ASXL3: variants seen among roughly 807,000 people sequenced by gnomAD.
ASXL3 encodes putative Polycomb group protein ASXL3.
A neutral mutation model predicts 170.6 loss-of-function variants in ASXL3; 34 were observed. That is an observed-to-expected ratio of 0.20 (90% CI 0.15 to 0.27). ASXL3 has a LOEUF of 0.27. Ranked by LOEUF, ASXL3 falls within the 10% of genes least tolerant of loss-of-function variation. The probability of loss-of-function intolerance (pLI) is 1.00; values close to 1 mark genes in which losing one functional copy is unlikely to be tolerated. For synonymous variants in ASXL3, 1,002 were observed against 989.1 expected (o/e 1.01, Z -0.24); for missense variants, 2,592 against 2,695.3 (o/e 0.96, Z 0.85).
intron 2 of ASXL3, among the ~76,000 whole-genome samples, chr18:33,625,326 A>G (rs560731672): frequency 6.6e-6 from 1 of 152,256 alleles, no homozygotes; most frequent in South Asian, 2.1e-4. Context: ...TTTAGCCAAT[A>G]TTTGTATAAG....
intron 2 of ASXL3, among the ~76,000 whole-genome samples, chr18:33,608,884 G>A (rs1041081885): frequency 4.6e-5 from 7 of 151,948 alleles, no homozygotes; most frequent in Non-Finnish European, 7.4e-5. Flanking sequence ...TGTTTAAAAT[G>A]TATTATTTAG....
intron 1 of ASXL3, among the ~76,000 whole-genome samples, chr18:33,596,393 A>G (rs978182705): frequency 3.3e-5 from 5 of 152,074 alleles, no homozygotes; most frequent in African/African-American, 1.2e-4. Context: ...TGTTAACTGA[A>G]TGGATTATTG....
intron 2 of ASXL3, among the ~76,000 whole-genome samples, chr18:33,640,535 T>C (rs1465349729): frequency 4.6e-5 from 7 of 152,104 alleles, no homozygotes; most frequent in Non-Finnish European, 1.5e-5. Flanking sequence ...AATCTAAGTG[T>C]ACATTATTAA....
Position 33,748,565 on chromosome 18 carries a change from A to C in ASXL3, c.*1970A>C, listed in dbSNP as rs894323278. 6.6e-6 allele frequency: 1 copy of C among 152,240 alleles called. No homozygotes were observed. Among genetic ancestry groups the C allele is most frequent in the African/African-American group, 2.4e-5 (1 of 41,460 alleles). 9.4% of individuals were successfully genotyped at this position (152,240 alleles called of 1,614,324 possible). A position where few individuals can be genotyped will look rare whatever the true frequency, so the allele number is the denominator to read the frequency against. ...TTAACCAGCCTTACCCGAGGAAAGC[A>C]GCATAAGTTCCAGTGGATCCTTAGT... On this transcript the variant is annotated 3_prime_UTR_variant, in exon 12 of 12. Transcript: ENST00000269197.
chr18:33,656,111 AC>A (rs1355752179), intron 4 of ASXL3, among the ~76,000 whole-genome samples: 1 of 152,000 alleles, frequency 6.6e-6, no homozygotes, highest in Non-Finnish European at 1.5e-5. Context: ...TTCCTCTAAG[AC>A]CCCGCCCTCT....
intron 1 of ASXL3, among the ~76,000 whole-genome samples, chr18:33,607,098 T>C (rs531255463): frequency 1.5e-4 from 23 of 152,058 alleles, no homozygotes; most frequent in African/African-American, 5.5e-4. Context: ...GAAAACACAC[T>C]GTAATGAGTT....
At chr18:33,683,713 T>A in intron 8 of ASXL3, 145 bp downstream of exon 8, 1 of 892,756 alleles carries the variant, frequency 1.1e-6, no homozygotes, top group Non-Finnish European at 1.6e-6. Flanking sequence ...TTAGCTTATT[T>A]AATCCTCTAA....
At chr18:33,600,039 T>C (rs1253533404) in intron 1 of ASXL3, among the ~76,000 whole-genome samples, 1 of 152,146 alleles carries the variant, frequency 6.6e-6, no homozygotes, top group Non-Finnish European at 1.5e-5. Flanking sequence ...AATTTTTAGC[T>C]CATTTATTTT....
At position 33,745,744 on chromosome 18, in the gene ASXL3, C is replaced by T. The variant is rs1347845468; in HGVS notation, c.5896C>T (p.His1966Tyr). The change falls in exon 12 of 12, where the codon CAT becomes TAT. Residue 1966 changes from histidine to tyrosine, a missense_variant. Coordinates refer to ENST00000269197, the MANE Select transcript of ASXL3 (RefSeq NM_030632.3). ...VGCNAFAFNRHLEQKGLGEVS... is the reference protein window; with the variant it reads ...VGCNAFAFNRYLEQKGLGEVS... ...GTGTAATGCATTTGCCTTCAACAGG[C>T]ATCTTGAACAGAAGGGATTGGGAGA... 6.2e-7 allele frequency: 1 copy of T among 1,613,886 alleles called. No homozygotes were observed. The highest frequency in any genetic ancestry group is 2.2e-5 in the East Asian group (1 of 44,892).
intron 1 of ASXL3, among the ~76,000 whole-genome samples, chr18:33,583,087 C>T (rs140839236): frequency 8.5e-5 from 13 of 152,156 alleles, no homozygotes; most frequent in African/African-American, 3.1e-4. Flanking sequence ...AAAAGCAATT[C>T]ATAATTGTGT....
rs77217170 is a variant in ASXL3 at position 33,693,935 on chromosome 18, G to A, written c.879+10367G>A. On this transcript the variant is annotated intron_variant, in intron 8 of 11. Transcript: ENST00000269197. ...GTTGGAGGAGCTGGGCTGATTGAGC[G>A]GACAGGAAAATATAGGTTGGAAGGA... 1.8e-3 allele frequency among the ~76,000 whole-genome samples: 270 copies of A among 152,216 alleles called. 1 individual carries two copies. The highest frequency in any genetic ancestry group is 6.3e-3 in the African/African-American group (260 of 41,562).
At chr18:33,732,798 G>A (rs1273150006) in intron 9 of ASXL3, among the ~76,000 whole-genome samples, 1 of 150,844 alleles carries the variant, frequency 6.6e-6, no homozygotes, top group Non-Finnish European at 1.5e-5. Context: ...CAAGGCTGCA[G>A]TGATCGACCT....
At chr18:33,683,381 A>G (rs763766689) in intron 7 of ASXL3, 24 bp from the exon 8 acceptor site, 1 of 1,596,952 alleles carries the variant, frequency 6.3e-7, no homozygotes, top group African/African-American at 1.3e-5. Flanking sequence ...TAGTAAATTC[A>G]TGCCTCTTGC....
rs1441225130 is a variant in ASXL3 at position 33,578,510 on chromosome 18, C to A, written c.-122C>A. On this transcript the variant is annotated 5_prime_UTR_variant, in exon 1 of 12. Coordinates refer to ENST00000269197, the MANE Select transcript of ASXL3 (RefSeq NM_030632.3). ...GCCGCCGCCGCCGCCACCGCCCGCG[C>A]GCCTCCCCCCGCGGAGCGAGTGCGG... 9.0e-6 allele frequency: 4 copies of A among 446,306 alleles called. No homozygotes were observed. Among genetic ancestry groups the A allele is most frequent in the Non-Finnish European group, 9.5e-6 (3 of 315,666 alleles). The allele number at this position is 446,306 out of a possible 1,614,324, so 27.6% of individuals were successfully genotyped here.
chr18:33,582,802 T>A (rs530574880), intron 1 of ASXL3, among the ~76,000 whole-genome samples: 1 of 151,944 alleles, frequency 6.6e-6, no homozygotes, highest in Non-Finnish European at 1.5e-5. Context: ...TTCACCTCAT[T>A]GTTGGAAGAA....
chr18:33,630,161 C>G (rs2065656210), intron 2 of ASXL3, among the ~76,000 whole-genome samples: 1 of 151,956 alleles, frequency 6.6e-6, no homozygotes, highest in Non-Finnish European at 1.5e-5. Flanking sequence ...CATACTAAGT[C>G]TGGGGAGGGG....
intron 2 of ASXL3, among the ~76,000 whole-genome samples, chr18:33,626,462 A>G (rs1303339437): frequency 1.3e-5 from 2 of 151,880 alleles, no homozygotes; most frequent in Non-Finnish European, 2.9e-5. Context: ...ACATTTTATA[A>G]TATCAAATAG....
At chr18:33,651,482 A>T (rs2065997784) in intron 4 of ASXL3, among the ~76,000 whole-genome samples, 2 of 151,970 alleles carry the variant, frequency 1.3e-5, no homozygotes, top group South Asian at 2.1e-4. Flanking sequence ...GGAGTGGGAG[A>T]TGAGTACACC....
At chr18:33,738,428 C>A in intron 10 of ASXL3, 59 bp from the exon 11 acceptor site, 1 of 1,459,178 alleles carries the variant, frequency 6.9e-7, no homozygotes. Flanking sequence ...ATGAGAGATC[C>A]CAGTTGTACC....
Sources: allele counts gnomAD v4.1 joint callset (sites outside exome capture counted in the v4.1 genomes callset), GRCh38; gene constraint gnomAD v4.1.1; transcripts MANE v1.5; gene names NCBI Gene and HGNC (gene_info 2026-07-23, HGNC 2026-07-21).